The following SLC22A8 variants were observed in gnomAD, a reference collection of about 807,000 sequenced individuals.
The protein encoded by SLC22A8 is organic anion transporter 3.
Under a neutral mutation model 48.4 loss-of-function variants are expected in SLC22A8, and 40 were observed. The ratio of observed to expected loss-of-function variants is 0.83; its 90% CI spans 0.64 to 1.08. The LOEUF (loss-of-function observed/expected upper bound fraction) is 1.08. SLC22A8 is among the 50% of genes least tolerant of loss of function. The pLI, the probability that SLC22A8 is intolerant of heterozygous loss-of-function variation, is 0.00. For synonymous variants in SLC22A8, 268 were observed against 286.3 expected, an observed-to-expected ratio of 0.94 and a Z score of 0.65; for missense variants, 606 against 699.0, an observed-to-expected ratio of 0.87 and a Z score of 1.50.
intron 7 of SLC22A8, chr11:62,994,958 G>T: frequency 1.6e-6 from 1 of 613,318 alleles, no homozygotes; most frequent in Non-Finnish European, 2.9e-6. Flanking sequence ...GACTGGTCAT[G>T]TCTGACGTGG....
intron 2 of SLC22A8, among the ~76,000 whole-genome samples, chr11:63,006,394 A>G (rs2086554510): frequency 6.6e-6 from 1 of 152,070 alleles, no homozygotes; most frequent in African/African-American, 2.4e-5. Context: ...TCTGGCACAA[A>G]CAGGTGGTCA....
intron 2 of SLC22A8, among the ~76,000 whole-genome samples, chr11:63,004,682 G>A (rs1361586793): frequency 6.6e-6 from 1 of 152,076 alleles, no homozygotes; most frequent in Non-Finnish European, 1.5e-5. Context: ...TTGGTTTATT[G>A]CATGTTTCTC....
intron 10 of SLC22A8, 26 bp from the exon 11 acceptor site, chr11:62,993,362 C>A: frequency 6.2e-7 from 1 of 1,613,696 alleles, no homozygotes; most frequent in Non-Finnish European, 8.5e-7. Flanking sequence ...TAAGGAAAAG[C>A]CCTGGGCCCA....
rs1431192104 is a variant in SLC22A8 at position 63,000,701 on chromosome 11, C to T, written c.437+19G>A. On this transcript the variant is annotated intron_variant, in intron 3 of 10. Transcript: ENST00000336232. ...TCCCCATGGGTCATGCTTCCATGGG[C>T]TGTGCCCCCATGTCTCACCTGTCAG... 6 of 1,541,152 alleles carry T rather than the reference C, an allele frequency of 3.9e-6. No homozygotes were observed. Among genetic ancestry groups the T allele is most frequent in the Non-Finnish European group, 5.4e-6 (6 of 1,113,664 alleles).
intron 5 of SLC22A8, among the ~76,000 whole-genome samples, chr11:62,998,478 C>T (rs1488817304): frequency 3.9e-5 from 6 of 152,168 alleles, no homozygotes; most frequent in African/African-American, 9.7e-5. Flanking sequence ...TTAGTCTCCC[C>T]GAATCTTCCT....
chr11:62,993,593 G>A lies in SLC22A8; in HGVS notation c.1360C>T (p.Arg454Cys), dbSNP rs371693018. ...TGMGVSNLWT[R>C]VGSMVSPLVK... ...AGCGGGGACACCATGCTTCCCACGC[G>A]GGTCCACAGGTTACTTACGCCCATA... Residue 454 changes from arginine to cysteine, a missense_variant, in exon 10 of 11, where the codon CGC becomes TGC. Arg to Cys is a radical substitution (Grantham distance 180). Coordinates refer to ENST00000336232, the MANE Select transcript of SLC22A8 (RefSeq NM_004254.4). 19 of 1,612,240 alleles carry A rather than the reference G, an allele frequency of 1.2e-5. No individual in the cohort carries two copies. Among genetic ancestry groups the A allele is most frequent in the African/African-American group, 2.7e-5 (2 of 74,892 alleles).
chr11:62,997,466 C>T (rs547541438), intron 5 of SLC22A8, among the ~76,000 whole-genome samples: 12 of 152,208 alleles, frequency 7.9e-5, no homozygotes, highest in South Asian at 6.2e-4. Context: ...CCCCGCGATC[C>T]GCCCCTCAGC....
intron 4 of SLC22A8, chr11:62,999,482 A>G (rs1248526327): frequency 2.1e-6 from 1 of 479,860 alleles, no homozygotes; most frequent in Non-Finnish European, 3.7e-6. Context: ...TGTCAGGTCC[A>G]GGGTAAGTCC....
In SLC22A8 at chr11:62,996,069, A is replaced by G; in HGVS notation, c.845T>C (p.Phe282Ser). 3 of 1,614,082 alleles carry G rather than the reference A, an allele frequency of 1.9e-6. No individual in the cohort carries two copies. The highest frequency in any genetic ancestry group is 1.1e-5 in the South Asian group (1 of 91,076). ...ALKILRRVAVFNGKKEEGERL... is the reference protein window; with the variant it reads ...ALKILRRVAVSNGKKEEGERL... Reference sequence around the variant, plus strand: ...TTCTCCCTCTTCCTTCTTGCCATTGAAGACAGCCACCCGCCGGAGTATCTT... The same window carrying G: ...TTCTCCCTCTTCCTTCTTGCCATTGGAGACAGCCACCCGCCGGAGTATCTT... The change falls in exon 6 of 11, where the codon TTC becomes TCC. Residue 282 changes from phenylalanine to serine, a missense_variant. Physicochemically the swap from Phe to Ser is radical, Grantham distance 155 (BLOSUM62 -2). Transcript: ENST00000336232.
intron 2 of SLC22A8, 136 bp from the exon 3 acceptor site, chr11:63,000,959 C>T (rs1167140769): frequency 3.0e-6 from 2 of 661,710 alleles, no homozygotes; most frequent in Non-Finnish European, 5.4e-6. Flanking sequence ...GGACCGTTTC[C>T]TTTTTCAGCC....
At chr11:63,011,606 C>T (rs2086619812) in intron 2 of SLC22A8, among the ~76,000 whole-genome samples, 3 of 152,174 alleles carry the variant, frequency 2.0e-5, no homozygotes, top group African/African-American at 4.8e-5. Context: ...GTTACCAGGT[C>T]CCAGAGACTC....
chr11:63,014,471 T>G, intron 2 of SLC22A8, 155 bp downstream of exon 2: 11 of 620,166 alleles, frequency 1.8e-5, no homozygotes, highest in East Asian at 2.6e-5. Flanking sequence ...TCTTGGTGCA[T>G]GAGCTTCTGC....
chr11:62,994,148 C>T (rs1398329894), intron 8 of SLC22A8: 1 of 544,924 alleles, frequency 1.8e-6, no homozygotes, highest in Non-Finnish European at 3.3e-6. Context: ...TAGGTGTTAT[C>T]AACCAACTAA....
chr11:63,008,204 A>G (rs1433137904), intron 2 of SLC22A8, among the ~76,000 whole-genome samples: 2 of 152,222 alleles, frequency 1.3e-5, no homozygotes, highest in African/African-American at 4.8e-5. Context: ...CCTGCAGAGC[A>G]TGAGGCAGAA....
At chr11:63,002,959 C>T (rs368003650) in intron 2 of SLC22A8, among the ~76,000 whole-genome samples, 2 of 152,184 alleles carry the variant, frequency 1.3e-5, no homozygotes, top group East Asian at 3.9e-4. Context: ...CTTGACAGGT[C>T]TACTGGACTT....
intron 5 of SLC22A8, among the ~76,000 whole-genome samples, chr11:62,997,256 G>A (rs998995583): frequency 9.2e-5 from 14 of 151,952 alleles, no homozygotes; most frequent in South Asian, 2.1e-4. Context: ...ATGGAGCCTC[G>A]CACTATCGCC....
intron 7 of SLC22A8, 200 bp downstream of exon 7, chr11:62,995,504 C>G: frequency 1.7e-6 from 1 of 586,948 alleles, no homozygotes; most frequent in Non-Finnish European, 3.0e-6. Flanking sequence ...CAGAGGGAAG[C>G]AGACCCTGAT....
rs1480325056 is a variant in SLC22A8 at position 62,999,782 on chromosome 11, A to G, written c.498T>C (p.Gly166=). 2 of 1,606,414 alleles carry G rather than the reference A, an allele frequency of 1.2e-6. No individual in the cohort carries two copies. Among genetic ancestry groups the G allele is most frequent in the Admixed American group, 1.7e-5 (1 of 59,086 alleles). The stretch of plus-strand genomic sequence containing the variant: ...TGGGGAAGGTGGGGCTGAAGGCTGC[A>G]CCGGAGCCGCTGGCTGCCAGCAGCA... ...SYLLLAASGS[G]AAFSPTFPIY... is the part of the protein sequence containing the mutation. The change falls in exon 4 of 11, where the codon GGT becomes GGC. Residue 166 remains glycine, a synonymous_variant. Transcript: ENST00000336232.
intron 2 of SLC22A8, among the ~76,000 whole-genome samples, chr11:63,004,479 T>A (rs1436218688): frequency 6.6e-6 from 1 of 152,174 alleles, no homozygotes; most frequent in Non-Finnish European, 1.5e-5. Context: ...GTGTATGTTG[T>A]TCTCTTTTTC....
Sources: gnomAD v4.1 joint callset for allele counts (sites outside exome capture counted in the v4.1 genomes callset) on GRCh38, gnomAD v4.1.1 for gene constraint, MANE v1.5 for transcripts, NCBI Gene and HGNC (gene_info 2026-07-23, HGNC 2026-07-21) for gene names.